The following HOGA1 variants were observed in gnomAD, a reference collection of about 807,000 sequenced individuals.
HOGA1 encodes the protein 4-hydroxy-2-oxoglutarate aldolase, mitochondrial.
In HOGA1, 30 loss-of-function variants were observed where a neutral mutation model predicts 34.3. That is an observed-to-expected ratio of 0.87 (90% CI 0.65 to 1.19). The LOEUF is 1.19. HOGA1 is among the 50% of genes most tolerant of loss of function. HOGA1 has a pLI of 0.00. For synonymous variants in HOGA1, 161 were observed against 174.0 expected, an observed-to-expected ratio of 0.93 and a Z score of 0.59; for missense variants, 417 against 436.5, an observed-to-expected ratio of 0.96 and a Z score of 0.40.
At position 97,599,130 on chromosome 10, in the gene HOGA1, G is replaced by T; in HGVS notation, c.382G>T (p.Val128Phe). The T allele has an allele frequency of 6.2e-7, 1 of 1,613,790 alleles. No homozygotes were observed. Among genetic ancestry groups the T allele is most frequent in the South Asian group, 1.1e-5 (1 of 91,078 alleles). ...TVEMTVSMAQ[V>F]GADAAMVVTP... Reference sequence around the variant, plus strand: ...GGAGATGACCGTCAGCATGGCCCAGGTCGGGGCTGACGCGGCCATGGTGGT... The same window carrying T: ...GGAGATGACCGTCAGCATGGCCCAGTTCGGGGCTGACGCGGCCATGGTGGT... The change falls in exon 3 of 7, where the codon GTC becomes TTC. Residue 128 changes from valine to phenylalanine, a missense_variant. Val to Phe is a conservative substitution (Grantham distance 50). Coordinates refer to ENST00000370646, the MANE Select transcript of HOGA1 (RefSeq NM_138413.4).
chr10:97,592,064 G>A lies in HOGA1; in HGVS notation c.212-6711G>A, dbSNP rs529572196. Among the ~76,000 whole-genome samples the A allele has an allele frequency of 3.3e-4, 50 of 151,668 alleles. No individual in the cohort carries two copies. In the South Asian group the frequency reaches 0.01, roughly 31 times the overall value. On this transcript the variant is annotated intron_variant, in intron 1 of 6. Coordinates refer to ENST00000370646, the MANE Select transcript of HOGA1 (RefSeq NM_138413.4). Reference sequence around the variant, plus strand: ...GCCATGTTGCCCAGGCTGGATTACAGTGGTGATATCATAGTTCACTGCAGC... The same window carrying A: ...GCCATGTTGCCCAGGCTGGATTACAATGGTGATATCATAGTTCACTGCAGC...
chr10:97,604,779 T>G (rs1393237461), intron 6 of HOGA1, among the ~76,000 whole-genome samples: 3 of 151,842 alleles, frequency 2.0e-5, no homozygotes, highest in Non-Finnish European at 4.4e-5. Flanking sequence ...GTCAGGAGTT[T>G]GAGACCAGCC....
At position 97,602,058 on chromosome 10, in the gene HOGA1, A is replaced by G. The variant is rs745768415; in HGVS notation, c.834+68A>G. ...CAGTCTGTGTCCTCATTGGAGCAGG[A>G]CCCAGGGCTGGCACCAGGCCCCACT... On this transcript the variant is annotated intron_variant, in intron 6 of 6. Transcript: ENST00000370646. 48 of 1,562,610 alleles carry G rather than the reference A, an allele frequency of 3.1e-5. No homozygotes were observed. The East Asian group carries it at 1.1e-3, about 37-fold the overall frequency.
At chr10:97,586,158 A>G (rs1044122033) in intron 1 of HOGA1, among the ~76,000 whole-genome samples, 52 of 151,394 alleles carry the variant, frequency 3.4e-4, no homozygotes, top group Non-Finnish European at 6.8e-4. Context: ...AAAAAATCAA[A>G]TCACATCTCT....
At chr10:97,584,972 G>A in intron 1 of HOGA1, 58 bp downstream of exon 1, 1 of 1,437,212 alleles carries the variant, frequency 7.0e-7, no homozygotes, top group Non-Finnish European at 9.8e-7. Flanking sequence ...TTTAGCCAGA[G>A]ACCAAGGGAG....
At chr10:97,588,140 T>C (rs773025835) in intron 1 of HOGA1, among the ~76,000 whole-genome samples, 6 of 152,098 alleles carry the variant, frequency 3.9e-5, no homozygotes, top group Non-Finnish European at 7.3e-5. Flanking sequence ...AAAATCTTTT[T>C]AGCATTGCTA....
intron 1 of HOGA1, among the ~76,000 whole-genome samples, chr10:97,593,952 T>C (rs2041048870): frequency 6.6e-6 from 1 of 152,012 alleles, no homozygotes; most frequent in South Asian, 2.1e-4. Flanking sequence ...CACTGTAACC[T>C]CTGCCTCCCG....
intron 6 of HOGA1, chr10:97,602,234 G>T: frequency 6.7e-7 from 1 of 1,501,152 alleles, no homozygotes; most frequent in Non-Finnish European, 9.0e-7. Context: ...GCGAATTAAA[G>T]TTCCAACTTT....
intron 1 of HOGA1, chr10:97,589,640 C>T (rs373377549): frequency 6.5e-6 from 3 of 460,482 alleles, no homozygotes; most frequent in Non-Finnish European, 1.2e-5. Context: ...ACCCCACCCG[C>T]AACTGCCTTC....
At chr10:97,595,593 G>T (rs993953257) in intron 1 of HOGA1, among the ~76,000 whole-genome samples, 8 of 152,200 alleles carry the variant, frequency 5.3e-5, no homozygotes, top group Non-Finnish European at 1.2e-4. Flanking sequence ...TACTCAGGAG[G>T]CTGAGGCAGG....
At position 97,598,842 on chromosome 10, in the gene HOGA1, G is replaced by A. The variant is rs2135721395; in HGVS notation, c.279G>A (p.Val93=). The change falls in exon 2 of 7, where the codon GTG becomes GTA. Residue 93 remains valine (V), a synonymous_variant. Coordinates refer to ENST00000370646, the MANE Select transcript of HOGA1 (RefSeq NM_138413.4). The part of the protein sequence containing the change: ...FLTSSERLEV[V]SRVRQAMPKN... ...CCAGCAGTGAGCGCCTCGAGGTGGT[G>A]AGCCGTGTGCGCCAGGCCATGCCCA... 1.2e-6 allele frequency: 2 copies of A among 1,614,174 alleles called. No individual in the cohort carries two copies. The highest frequency in any genetic ancestry group is 3.3e-4 in the Middle Eastern group (2 of 6,060).
At chr10:97,601,810 T>C (rs751133383) in intron 5 of HOGA1, 47 bp from the exon 6 acceptor site, 2 of 1,611,336 alleles carry the variant, frequency 1.2e-6, no homozygotes, top group East Asian at 4.5e-5. Flanking sequence ...TTGGGATGCC[T>C]GGAGGGGAGA....
rs143707792 is a variant in HOGA1, at chr10:97,585,910, G to A, written c.211+996G>A. 9.0e-4 allele frequency among the ~76,000 whole-genome samples: 137 copies of A among 152,218 alleles called. 1 individual carries two copies. The East Asian group carries it at 0.025, about 27-fold the overall frequency. ...TCCCAACACTTTGGGAGGCCGAGGC[G>A]GAGGGATCATGAGGTCAGGAGTTCA... On this transcript the variant is annotated intron_variant, in intron 1 of 6. Coordinates refer to ENST00000370646, the MANE Select transcript of HOGA1 (RefSeq NM_138413.4).
In HOGA1 at chr10:97,584,848, A is replaced by G; in HGVS notation, c.145A>G (p.Thr49Ala). The change falls in exon 1 of 7, where the codon ACT (threonine) becomes GCT (alanine). Residue 49 changes from threonine (T) to alanine (A), a missense_variant. Coordinates refer to ENST00000370646, the MANE Select transcript of HOGA1 (RefSeq NM_138413.4). ...CCCTGTGACCACCCCCTTCACTGCC[A>G]CTGCAGAGGTGGACTATGGGAAACT... The part of the protein sequence containing the change: ...YPPVTTPFTA[T>A]AEVDYGKLEE... 6.2e-7 allele frequency: 1 copy of G among 1,614,054 alleles called. No homozygotes were observed. The highest frequency in any genetic ancestry group is 8.5e-7 in the Non-Finnish European group (1 of 1,179,962).
rs973106843 is a variant in HOGA1 at position 97,611,700 on chromosome 10, C to T, written c.*41C>T. On this transcript the variant is annotated 3_prime_UTR_variant, in exon 7 of 7. Transcript: ENST00000370646. ...ATGGCTGGCCTGAGCCCATCTCAGC[C>T]TCCTGCCTTGCACTTGCAGCCTGAA... The T allele has an allele frequency of 4.4e-6, 7 of 1,594,020 alleles. No individual in the cohort carries two copies. Among genetic ancestry groups the T allele is most frequent in the Non-Finnish European group, 6.0e-6 (7 of 1,173,174 alleles).
In HOGA1 at chr10:97,605,961, C is replaced by T. The variant is rs145350640; in HGVS notation, c.834+3971C>T. On this transcript the variant is annotated intron_variant, in intron 6 of 6. Coordinates refer to ENST00000370646, the MANE Select transcript of HOGA1 (RefSeq NM_138413.4). Reference sequence around the variant, plus strand: ...TACAATTTATCAACATTTTCTTTTACGGATCATGCTTTTGGTGTCAAGTCT... The same window carrying T: ...TACAATTTATCAACATTTTCTTTTATGGATCATGCTTTTGGTGTCAAGTCT... Among the ~76,000 whole-genome samples, 330 of 151,870 alleles carry T rather than the reference C, an allele frequency of 2.2e-3. 1 individual carries two copies. The highest frequency in any genetic ancestry group is 7.4e-3 in the African/African-American group (306 of 41,406).
At chr10:97,596,146 C>T (rs1475343598) in intron 1 of HOGA1, among the ~76,000 whole-genome samples, 1 of 152,206 alleles carries the variant, frequency 6.6e-6, no homozygotes, top group Non-Finnish European at 1.5e-5. Context: ...CCCTCTTCTC[C>T]AGCCAGGCAC....
At chr10:97,589,634 C>G (rs559104409) in intron 1 of HOGA1, 7 of 449,244 alleles carry the variant, frequency 1.6e-5, no homozygotes, top group South Asian at 1.2e-4. Context: ...CTCCCCACCC[C>G]ACCCGCAACT....
At chr10:97,608,947 G>T (rs954823201) in intron 6 of HOGA1, among the ~76,000 whole-genome samples, 1 of 152,114 alleles carries the variant, frequency 6.6e-6, no homozygotes, top group African/African-American at 2.4e-5. Flanking sequence ...TATTTTGTTT[G>T]GGTAAAGTGA....
Sources: gnomAD v4.1 joint callset for allele counts (sites outside exome capture counted in the v4.1 genomes callset) on GRCh38, gnomAD v4.1.1 for gene constraint, MANE v1.5 for transcripts, NCBI Gene and HGNC (gene_info 2026-07-23, HGNC 2026-07-21) for gene names.